The following TBL1XR1 variants were observed in gnomAD, a reference collection of about 807,000 sequenced individuals.
TBL1XR1 encodes TBL1X/Y related 1, also known as F-box-like/WD repeat-containing protein TBL1XR1.
In TBL1XR1, 5 loss-of-function variants were observed where a neutral mutation model predicts 66.9. That is an observed-to-expected ratio of 0.07 (90% CI 0.04 to 0.16). The LOEUF (loss-of-function observed/expected upper bound fraction) is 0.16, where lower values mean the gene tolerates loss of function less well. Among genes scored for constraint, TBL1XR1 ranks in the 10% least tolerant of loss-of-function variants. The pLI is 1.00. For synonymous variants in TBL1XR1, 210 were observed against 206.0 expected (o/e 1.02, Z -0.17); for missense variants, 238 against 623.2 (o/e 0.38, Z 6.58).
intron 2 of TBL1XR1, among the ~76,000 whole-genome samples, chr3:177,066,351 T>C (rs1161009762): frequency 6.6e-6 from 1 of 152,060 alleles, no homozygotes; most frequent in African/African-American, 2.4e-5. Flanking sequence ...GTTAGCAGTC[T>C]AGGAACACAT....
chr3:177,024,677 T>C lies in TBL1XR1; in HGVS notation c.*821A>G, dbSNP rs1478583805. 1 of 112,230 alleles carries C rather than the reference T, an allele frequency of 8.9e-6. No homozygotes were observed. Among genetic ancestry groups the C allele is most frequent in the Non-Finnish European group, 1.9e-5 (1 of 53,768 alleles). The allele number at this position is 112,230 out of a possible 1,614,324, so 7.0% of individuals were successfully genotyped here. A position where few individuals can be genotyped will look rare whatever the true frequency, so the allele number is the denominator to read the frequency against. On this transcript the variant is annotated 3_prime_UTR_variant, in exon 16 of 16. Coordinates refer to ENST00000457928, the MANE Select transcript of TBL1XR1 (RefSeq NM_024665.7). Reference sequence around the variant, plus strand: ...CAGAAATATGTCCCAAAAAAGAAACTATTGCATTTAAGCCACATCACCAAA... The same window carrying C: ...CAGAAATATGTCCCAAAAAAGAAACCATTGCATTTAAGCCACATCACCAAA...
At chr3:177,035,518 A>C (rs922140192) in intron 12 of TBL1XR1, among the ~76,000 whole-genome samples, 1 of 151,542 alleles carries the variant, frequency 6.6e-6, no homozygotes, top group African/African-American at 2.4e-5. Context: ...GGTTCACGCA[A>C]TTCTCCTGCC....
chr3:177,115,516 C>G (rs1384846787), intron 1 of TBL1XR1, among the ~76,000 whole-genome samples: 1 of 152,142 alleles, frequency 6.6e-6, no homozygotes, highest in African/African-American at 2.4e-5. Context: ...TTTGCTCTGC[C>G]TCCTTTGTCC....
chr3:177,071,784 A>T (rs1720049660), intron 2 of TBL1XR1, among the ~76,000 whole-genome samples: 1 of 152,238 alleles, frequency 6.6e-6, no homozygotes, highest in African/African-American at 2.4e-5. Flanking sequence ...AAGTATATGG[A>T]GTAAAGATAA....
rs555780129 is a variant in TBL1XR1, at chr3:177,026,629, A to G, written c.1417-155T>C. ...TAAGTTCTGAAATTCTAGAAATGTA[A>G]TATGATCCCTTTACAAAAAGATAAT... On this transcript the variant is annotated intron_variant, in intron 14 of 15. Coordinates refer to ENST00000457928, the MANE Select transcript of TBL1XR1 (RefSeq NM_024665.7). 1.4e-4 allele frequency: 78 copies of G among 565,154 alleles called. No individual in the cohort carries two copies. In the Middle Eastern group the frequency reaches 3.9e-3, roughly 29 times the overall value. The allele number at this position is 565,154 out of a possible 1,614,324, so 35.0% of individuals were successfully genotyped here.
intron 1 of TBL1XR1, among the ~76,000 whole-genome samples, chr3:177,171,191 T>G (rs1733446284): frequency 6.6e-6 from 1 of 151,074 alleles, no homozygotes; most frequent in South Asian, 2.1e-4. Flanking sequence ...AAATACTAAA[T>G]TAGCCAGGTG....
At chr3:177,176,191 A>C (rs886969206) in intron 1 of TBL1XR1, among the ~76,000 whole-genome samples, 1 of 151,684 alleles carries the variant, frequency 6.6e-6, no homozygotes, top group Non-Finnish European at 1.5e-5. Flanking sequence ...GTAACTTGTT[A>C]ATTTTCTTGT....
chr3:177,131,419 C>T (rs983248459), intron 1 of TBL1XR1: 12 of 984,544 alleles, frequency 1.2e-5, no homozygotes, highest in African/African-American at 5.2e-5. Context: ...GCATAAAGTG[C>T]CTGGTCTTCC....
chr3:177,041,430 C>T (rs1485067823), intron 10 of TBL1XR1, among the ~76,000 whole-genome samples: 1 of 152,196 alleles, frequency 6.6e-6, no homozygotes, highest in East Asian at 1.9e-4. Flanking sequence ...CCTTCCTTGG[C>T]TTCTTCCCTC....
At chr3:177,146,729 T>C (rs1329779198) in intron 1 of TBL1XR1, among the ~76,000 whole-genome samples, 1 of 152,120 alleles carries the variant, frequency 6.6e-6, no homozygotes, top group Non-Finnish European at 1.5e-5. Flanking sequence ...TCTCAGATTT[T>C]ATCACTGGCA....
intron 1 of TBL1XR1, among the ~76,000 whole-genome samples, chr3:177,164,219 T>C (rs1383576693): frequency 1.3e-5 from 2 of 152,188 alleles, no homozygotes; most frequent in Non-Finnish European, 2.9e-5. Flanking sequence ...GACTTGACAT[T>C]AAAAACTGTT....
At chr3:177,182,637 A>G (rs1734965379) in intron 1 of TBL1XR1, among the ~76,000 whole-genome samples, 1 of 152,156 alleles carries the variant, frequency 6.6e-6, no homozygotes, top group Non-Finnish European at 1.5e-5. Context: ...ACCTGTTTTC[A>G]AGGAAGGATC....
chr3:177,158,229 C>A (rs142175129), intron 1 of TBL1XR1, among the ~76,000 whole-genome samples: 5 of 40,662 alleles, frequency 1.2e-4, no homozygotes, highest in Admixed American at 1.1e-3. Flanking sequence ...TGTTTCTTTT[C>A]TTTTTTTTTT....
chr3:177,139,347 C>A (rs1474027246), intron 1 of TBL1XR1, among the ~76,000 whole-genome samples: 1 of 152,100 alleles, frequency 6.6e-6, no homozygotes, highest in Non-Finnish European at 1.5e-5. Context: ...CGTGGTGAAA[C>A]CCTGTCTCTA....
chr3:177,160,186 T>C (rs1019973869), intron 1 of TBL1XR1, among the ~76,000 whole-genome samples: 4 of 152,028 alleles, frequency 2.6e-5, no homozygotes, highest in Non-Finnish European at 5.9e-5. Context: ...TAAGTAGAAG[T>C]ATCTGGTAGG....
intron 1 of TBL1XR1, among the ~76,000 whole-genome samples, chr3:177,179,114 T>C (rs1734496353): frequency 2.7e-5 from 2 of 74,106 alleles, no homozygotes; most frequent in Admixed American, 3.0e-4. Flanking sequence ...CGAAACTACG[T>C]CTCAAAAAAA....
rs758959272 is a variant in TBL1XR1 at position 177,054,069 on chromosome 3, TGTGTGC to T, written c.59-157_59-152del. Among the ~76,000 whole-genome samples, 16 of 145,318 alleles carry T rather than the reference TGTGTGC, an allele frequency of 1.1e-4. No individual in the cohort carries two copies. In the East Asian group the frequency reaches 3.0e-3, roughly 28 times the overall value. ...TCGTGTGTGTGTGTGTGTGTGTGTG[TGTGTGC>T]GCGCGCGTGTGTGTGCATGTAAACA... is the stretch of plus-strand genomic sequence containing the variant. On this transcript the variant is annotated intron_variant, in intron 3 of 15. Coordinates refer to ENST00000457928, the MANE Select transcript of TBL1XR1 (RefSeq NM_024665.7).
At chr3:177,044,337 C>A (rs908055777) in intron 10 of TBL1XR1, among the ~76,000 whole-genome samples, 1 of 152,110 alleles carries the variant, frequency 6.6e-6, no homozygotes, top group Admixed American at 6.6e-5. Flanking sequence ...TTTGACTCCC[C>A]AAAATCTTAC....
intron 3 of TBL1XR1, among the ~76,000 whole-genome samples, chr3:177,056,818 A>G (rs149805573): frequency 1.3e-5 from 2 of 151,668 alleles, no homozygotes; most frequent in Non-Finnish European, 2.9e-5. Context: ...AAATCCTACC[A>G]CTCTACCATC....
Sources: allele counts gnomAD v4.1 joint callset (sites outside exome capture counted in the v4.1 genomes callset), GRCh38; gene constraint gnomAD v4.1.1; transcripts MANE v1.5; gene names NCBI Gene and HGNC (gene_info 2026-07-23, HGNC 2026-07-21).